The following PNKD variants were observed in gnomAD, a reference collection of about 807,000 sequenced individuals.
The protein encoded by PNKD is PNKD metallo-beta-lactamase domain containing.
PNKD carries 36 observed loss-of-function variants against 45.3 expected under a neutral mutation model. The observed-to-expected ratio is 0.80, with a 90% CI of 0.61 to 1.05. PNKD has a LOEUF of 1.05. PNKD is among the 50% of genes least tolerant of loss of function. PNKD has a pLI of 0.00. For missense variants in PNKD, 511 were observed against 506.6 expected, an observed-to-expected ratio of 1.01 and a Z score of -0.08; for synonymous variants, 197 against 210.1, an observed-to-expected ratio of 0.94 and a Z score of 0.54.
rs115128955 is a variant in PNKD, at chr2:218,306,730, T to C, written c.237-33053T>C. ...TACCCACAAGGCACTTGAAGTGTTA[T>C]GGGGCAGCGCCAGGAATTACTGCAC... On this transcript the variant is annotated intron_variant, in intron 2 of 9. Coordinates refer to ENST00000273077, the MANE Select transcript of PNKD (RefSeq NM_015488.5). Among the ~76,000 whole-genome samples the C allele has an allele frequency of 3.9e-3, 595 of 152,282 alleles. 5 individuals are homozygous for C. Among genetic ancestry groups the C allele is most frequent in the African/African-American group, 0.011 (472 of 41,552 alleles).
chr2:218,280,173 G>A (rs1213494713), intron 2 of PNKD: 2 of 1,381,272 alleles, frequency 1.4e-6, no homozygotes, highest in South Asian at 1.2e-5. Flanking sequence ...GAGACATGTG[G>A]CGTCAATCCC....
chr2:218,315,331 G>A (rs1358580491), intron 2 of PNKD, among the ~76,000 whole-genome samples: 5 of 151,662 alleles, frequency 3.3e-5, no homozygotes, highest in South Asian at 4.2e-4. Flanking sequence ...TAGTAGAGAC[G>A]GGGTTTCACC....
chr2:218,314,637 T>G (rs1050938129), intron 2 of PNKD, among the ~76,000 whole-genome samples: 30 of 152,190 alleles, frequency 2.0e-4, no homozygotes, highest in Non-Finnish European at 4.1e-4. Flanking sequence ...CACATTTATT[T>G]AAGGTCTGTA....
chr2:218,336,813 T>C (rs1176567647), intron 2 of PNKD, among the ~76,000 whole-genome samples: 32 of 68,014 alleles, frequency 4.7e-4, no homozygotes, highest in African/African-American at 1.4e-3. Context: ...TTTTTTTTTT[T>C]CAGACAGAGT....
In PNKD at chr2:218,345,619, C is replaced by T. The variant is rs879755206; in HGVS notation, c.*638C>T. 2 of 152,806 alleles carry T rather than the reference C, an allele frequency of 1.3e-5. No homozygotes were observed. The highest frequency in any genetic ancestry group is 3.8e-4 in the East Asian group (2 of 5,326). 9.5% of individuals were successfully genotyped at this position (152,806 alleles called of 1,614,324 possible). ...GCCACTCTCTGCCTCAGTGGCCTCC[C>T]TACAGCCTGGAAGAAGGAGGGTCCT... On this transcript the variant is annotated 3_prime_UTR_variant, in exon 10 of 10. Coordinates refer to ENST00000273077, the MANE Select transcript of PNKD (RefSeq NM_015488.5).
chr2:218,317,233 G>A (rs1474464368), intron 2 of PNKD, among the ~76,000 whole-genome samples: 1 of 152,204 alleles, frequency 6.6e-6, no homozygotes, highest in Admixed American at 6.5e-5. Context: ...AACCACCTAT[G>A]CGAAATGCAC....
rs1694657534 is a variant in PNKD at position 218,340,994 on chromosome 2, G to A, written c.524+208G>A. On this transcript the variant is annotated intron_variant, in intron 5 of 9. Transcript: ENST00000273077. This position sits in a 1 kb window ranked among gnomAD's most constrained non-coding sequence, Gnocchi z 4.2. ...TTGATCAAGCTTCTGAAGCCCCAGA[G>A]GGCAGGGCAGTCATTTCTCTTTCAT... The A allele has an allele frequency of 1.6e-6, 1 of 613,650 alleles. No homozygotes were observed. The highest frequency in any genetic ancestry group is 2.9e-6 in the Non-Finnish European group (1 of 344,234). 38.0% of individuals were successfully genotyped at this position (613,650 alleles called of 1,614,324 possible).
chr2:218,277,899 C>G (rs768636631), intron 2 of PNKD: 1 of 1,613,890 alleles, frequency 6.2e-7, no homozygotes, highest in Non-Finnish European at 8.5e-7. Context: ...TCCCTCACAG[C>G]ATCTCCACAC....
In PNKD at chr2:218,340,706, C is replaced by T. The variant is rs758221266; in HGVS notation, c.466-22C>T. On this transcript the variant is annotated intron_variant, in intron 4 of 9. Coordinates refer to ENST00000273077, the MANE Select transcript of PNKD (RefSeq NM_015488.5). The surrounding 1 kb of genome is among the most constrained non-coding windows in gnomAD (Gnocchi z 4.2). The stretch of plus-strand genomic sequence containing the variant: ...CCTCTTGCATCCTGCTCCCCAGTCT[C>T]CAAACCTCCTCTCTCTCGCAGGCTT... 1.9e-6 allele frequency: 3 copies of T among 1,608,532 alleles called. No homozygotes were observed. Among genetic ancestry groups the T allele is most frequent in the Non-Finnish European group, 2.6e-6 (3 of 1,175,136 alleles).
At chr2:218,282,160 G>A (rs748605548) in intron 2 of PNKD, 6 of 1,460,350 alleles carry the variant, frequency 4.1e-6, no homozygotes, top group Non-Finnish European at 5.4e-6. Flanking sequence ...ACGGGCTGAG[G>A]GGGAACCCCA....
rs566090461 is a variant in PNKD, at chr2:218,291,082, C to T, written c.236+19533C>T. On this transcript the variant is annotated intron_variant, in intron 2 of 9. Coordinates refer to ENST00000273077, the MANE Select transcript of PNKD (RefSeq NM_015488.5). The stretch of plus-strand genomic sequence containing the variant: ...AGGTAGACAGCGTCTGGCTGAGGCA[C>T]CCATTCCCAGGGGAGGAGGCTGAGC... Among the ~76,000 whole-genome samples the T allele has an allele frequency of 1.1e-4, 17 of 152,280 alleles. No individual in the cohort carries two copies. In the East Asian group the frequency reaches 3.3e-3, roughly 29 times the overall value.
intron 2 of PNKD, among the ~76,000 whole-genome samples, chr2:218,332,226 C>T (rs930860371): frequency 1.3e-5 from 2 of 152,122 alleles, no homozygotes; most frequent in African/African-American, 4.8e-5. Context: ...TTGTAAGGCC[C>T]TAGGTGAGTT....
chr2:218,342,073 T>C lies in PNKD; in HGVS notation c.710T>C (p.Leu237Pro). The C allele has an allele frequency of 6.2e-7, 1 of 1,612,278 alleles. No homozygotes were observed. The change falls in exon 7 of 10, where the codon CTA becomes CCA. Residue 237 changes from leucine (L) to proline (P), a missense_variant. Transcript: ENST00000273077. Reference sequence around the variant, plus strand: ...CACACACAAGGCCATCTGGTCTACCTACTGGATGGGGAGCCCTACAAGGGT... The same window carrying C: ...CACACACAAGGCCATCTGGTCTACCCACTGGATGGGGAGCCCTACAAGGGT... The part of the protein sequence containing the change: ...PGHTQGHLVY[L>P]LDGEPYKGPS...
chr2:218,310,210 G>GT (rs1251331090), intron 2 of PNKD, among the ~76,000 whole-genome samples: 1 of 151,830 alleles, frequency 6.6e-6, no homozygotes, highest in Non-Finnish European at 1.5e-5. Context: ...ACATGACAAT[G>GT]TTTTTTGTTT....
intron 5 of PNKD, 78 bp from the exon 6 acceptor site, chr2:218,341,456 T>G: frequency 1.1e-6 from 1 of 919,190 alleles, no homozygotes; most frequent in Non-Finnish European, 1.7e-6. Context: ...CTTAAAGGCC[T>G]GGAGATGCTG....
intron 2 of PNKD, among the ~76,000 whole-genome samples, chr2:218,295,247 CT>C (rs1306467322): frequency 1.3e-5 from 2 of 152,208 alleles, no homozygotes; most frequent in Non-Finnish European, 2.9e-5. Flanking sequence ...ATTAAGTAAG[CT>C]TTTATTGTCT....
chr2:218,314,397 AT>A lies in PNKD; in HGVS notation c.237-25380del, dbSNP rs544216467. 1.8e-3 allele frequency among the ~76,000 whole-genome samples: 265 copies of A among 151,302 alleles called. 1 individual carries two copies. Among genetic ancestry groups the A allele is most frequent in the Middle Eastern group, 3.4e-3 (1 of 292 alleles). On this transcript the variant is annotated intron_variant, in intron 2 of 9. Coordinates refer to ENST00000273077, the MANE Select transcript of PNKD (RefSeq NM_015488.5). Reference sequence around the variant, plus strand: ...CCACCAAGCCTGGCTGATTTTTTAAATTTTTTGTAGAGATGAGGTCTCCCTC... The same window carrying A: ...CCACCAAGCCTGGCTGATTTTTTAAATTTTTGTAGAGATGAGGTCTCCCTC...
chr2:218,316,506 G>C (rs1693819844), intron 2 of PNKD, among the ~76,000 whole-genome samples: 1 of 152,040 alleles, frequency 6.6e-6, no homozygotes. Flanking sequence ...CCTGAGCTCA[G>C]GCAATCCGCC....
chr2:218,318,790 G>A, intron 2 of PNKD, among the ~76,000 whole-genome samples: 1 of 152,094 alleles, frequency 6.6e-6, no homozygotes, highest in Non-Finnish European at 1.5e-5. Context: ...ATTGTGAAAA[G>A]TGCTATGAAA....
Sources: gnomAD v4.1 joint callset for allele counts (sites outside exome capture counted in the v4.1 genomes callset) on GRCh38, gnomAD v4.1.1 for gene constraint, Gnocchi (gnomAD v3.1) non-coding constraint, MANE v1.5 for transcripts, NCBI Gene and HGNC (gene_info 2026-07-23, HGNC 2026-07-21) for gene names.